ROBO1: variants seen among roughly 807,000 people sequenced by gnomAD.
ROBO1 encodes roundabout homolog 1.
ROBO1 carries 149 observed loss-of-function variants against 195.9 expected under a neutral mutation model. The observed-to-expected ratio is 0.76, with a 90% CI of 0.67 to 0.87. The LOEUF is 0.87. ROBO1 is among the 40% of genes least tolerant of loss of function. The pLI is 0.00. For synonymous variants in ROBO1, 816 were observed against 733.2 expected (o/e 1.11, Z -1.82); for missense variants, 1,933 against 2,068.3 (o/e 0.93, Z 1.27).
Position 79,564,307 on chromosome 3 carries a change from G to C in ROBO1, c.88+25517C>G, listed in dbSNP as rs549355464. 1.1e-4 allele frequency among the ~76,000 whole-genome samples: 16 copies of C among 151,960 alleles called. No individual in the cohort carries two copies. In the East Asian group the frequency reaches 2.9e-3, roughly 28 times the overall value. ...TAGGCTAGCCATGGTTTAGCACAGG[G>C]CCAGTGGACTTTCAGTGCTGAGCAT... On this transcript the variant is annotated intron_variant, in intron 2 of 30. Transcript: ENST00000464233.
In ROBO1 at chr3:78,661,936, T is replaced by C. The variant is rs1053240599; in HGVS notation, c.2088+57A>G. 1.3e-5 allele frequency: 20 copies of C among 1,564,556 alleles called. No homozygotes were observed. In the African/African-American group the frequency reaches 2.0e-4, roughly 16 times the overall value. The stretch of plus-strand genomic sequence containing the variant: ...AACAGATAGTTACATTTTATATGCA[T>C]TGCAATGATCTCGCAGACGCTTATT... On this transcript the variant is annotated intron_variant, in intron 15 of 30. Transcript: ENST00000464233.
At chr3:79,476,387 G>A (rs114172754) in intron 2 of ROBO1, among the ~76,000 whole-genome samples, 1,624 of 152,108 alleles carry the variant, frequency 0.011, 29 homozygotes, top group African/African-American at 0.037. Flanking sequence ...CTCATTATCC[G>A]ATCCAGATAC....
At chr3:79,135,314 A>G (rs2080383600) in intron 2 of ROBO1, among the ~76,000 whole-genome samples, 1 of 152,200 alleles carries the variant, frequency 6.6e-6, no homozygotes, top group East Asian at 1.9e-4. Context: ...TTGATAGATC[A>G]GACAGTCATA....
At chr3:78,641,323 T>C (rs1705937433) in intron 21 of ROBO1, among the ~76,000 whole-genome samples, 1 of 152,160 alleles carries the variant, frequency 6.6e-6, no homozygotes, top group Non-Finnish European at 1.5e-5. Flanking sequence ...CTTTACACTC[T>C]AAGATTTTAT....
chr3:79,221,313 G>A (rs530444015), intron 2 of ROBO1, among the ~76,000 whole-genome samples: 1 of 151,998 alleles, frequency 6.6e-6, no homozygotes, highest in African/African-American at 2.4e-5. Context: ...TTGAAAAAGG[G>A]AGAAACTGGG....
intron 3 of ROBO1, among the ~76,000 whole-genome samples, chr3:78,973,775 T>C (rs1346181219): frequency 6.6e-6 from 1 of 151,812 alleles, no homozygotes; most frequent in East Asian, 1.9e-4. Flanking sequence ...TGAAAAAGGT[T>C]ACATAAATAT....
chr3:79,693,661 C>A (rs1269336991), intron 1 of ROBO1, among the ~76,000 whole-genome samples: 1 of 151,682 alleles, frequency 6.6e-6, no homozygotes. Context: ...TGGTCTCAAA[C>A]TCCTGGCCTT....
At chr3:78,620,116 T>C (rs1704367515) in intron 26 of ROBO1, among the ~76,000 whole-genome samples, 1 of 151,788 alleles carries the variant, frequency 6.6e-6, no homozygotes, top group Non-Finnish European at 1.5e-5. Context: ...CTGGTCAAGA[T>C]CTAAATAAAG....
At chr3:79,667,132 TTTC>T (rs1946498635) in intron 1 of ROBO1, among the ~76,000 whole-genome samples, 1 of 151,896 alleles carries the variant, frequency 6.6e-6, no homozygotes, top group African/African-American at 2.4e-5. Context: ...ATTACCTGGC[TTTC>T]TTGTTTTTCT....
At chr3:78,668,341 C>A in intron 12 of ROBO1, 39 bp from the exon 13 acceptor site, 1 of 1,609,268 alleles carries the variant, frequency 6.2e-7, no homozygotes, top group Non-Finnish European at 8.5e-7. Flanking sequence ...AAGATGTTTA[C>A]ACATACACAG....
Position 79,767,860 on chromosome 3 carries a change from A to G in ROBO1, c.-159T>C, listed in dbSNP as rs1279185920. On this transcript the variant is annotated 5_prime_UTR_variant, in exon 1 of 31. Coordinates refer to ENST00000464233, the MANE Select transcript of ROBO1 (RefSeq NM_002941.4). Reference sequence around the variant, plus strand: ...CCGAGTTTAAACCAAGCGAAAGGTGACAGACTTTTAAACCTAAGAGTGGGG... The same window carrying G: ...CCGAGTTTAAACCAAGCGAAAGGTGGCAGACTTTTAAACCTAAGAGTGGGG... 4 of 152,240 alleles carry G rather than the reference A, an allele frequency of 2.6e-5. No individual in the cohort carries two copies. Among genetic ancestry groups the G allele is most frequent in the African/African-American group, 9.6e-5 (4 of 41,454 alleles). 9.4% of individuals were successfully genotyped at this position (152,240 alleles called of 1,614,324 possible).
At position 79,095,395 on chromosome 3, in the gene ROBO1, G is replaced by A. The variant is rs369547288; in HGVS notation, c.172+30061C>T. Reference sequence around the variant, plus strand: ...CACACTGGGGAAAGCTGGCTGCCATGTTGCAAAGGTACTCCTGCAGTCCTA... The same window carrying A: ...CACACTGGGGAAAGCTGGCTGCCATATTGCAAAGGTACTCCTGCAGTCCTA... On this transcript the variant is annotated intron_variant, in intron 3 of 30. Transcript: ENST00000464233. 1.8e-4 allele frequency among the ~76,000 whole-genome samples: 28 copies of A among 152,148 alleles called. 1 individual carries two copies. Among genetic ancestry groups the A allele is most frequent in the African/African-American group, 6.5e-4 (27 of 41,538 alleles).
chr3:79,739,607 T>C (rs1216350006), intron 1 of ROBO1, among the ~76,000 whole-genome samples: 3 of 152,164 alleles, frequency 2.0e-5, no homozygotes, highest in Non-Finnish European at 4.4e-5. Context: ...ATTTATTATT[T>C]TAGAAATATA....
chr3:78,760,830 G>C (rs1316578777), intron 4 of ROBO1, among the ~76,000 whole-genome samples: 1 of 138,780 alleles, frequency 7.2e-6, no homozygotes, highest in African/African-American at 3.4e-5. Context: ...TTGTAGAGAG[G>C]GGGGTCTAAC....
At chr3:79,374,535 C>A (rs1035230990) in intron 2 of ROBO1, among the ~76,000 whole-genome samples, 4 of 151,898 alleles carry the variant, frequency 2.6e-5, no homozygotes, top group African/African-American at 4.8e-5. Context: ...TTGGAGAGGG[C>A]AATCATTAAA....
Position 79,537,934 on chromosome 3 carries a change from C to T in ROBO1, c.88+51890G>A, listed in dbSNP as rs1223913335. On this transcript the variant is annotated intron_variant, in intron 2 of 30. Transcript: ENST00000464233. ...AAAAACACAAAAAAATACACAAACACTGATAGCTGATGAACTGAAAAAAAT... is the reference window on the plus strand; with the variant it reads ...AAAAACACAAAAAAATACACAAACATTGATAGCTGATGAACTGAAAAAAAT... Among the ~76,000 whole-genome samples, 6 of 152,020 alleles carry T rather than the reference C, an allele frequency of 3.9e-5. No individual in the cohort carries two copies. The East Asian group carries it at 1.2e-3, about 29-fold the overall frequency.
chr3:78,883,934 G>A (rs1051443559), intron 4 of ROBO1, among the ~76,000 whole-genome samples: 1 of 152,114 alleles, frequency 6.6e-6, no homozygotes, highest in Non-Finnish European at 1.5e-5. Context: ...AAGCTAGGAT[G>A]GGGGATTATG....
intron 4 of ROBO1, among the ~76,000 whole-genome samples, chr3:78,921,846 G>C (rs558984801): frequency 2.2e-3 from 331 of 151,656 alleles, no homozygotes; most frequent in Non-Finnish European, 3.7e-3. Flanking sequence ...GACTGCAGTG[G>C]CACGATCTCA....
chr3:78,708,777 A>G (rs980587696), intron 8 of ROBO1, among the ~76,000 whole-genome samples: 1 of 152,184 alleles, frequency 6.6e-6, no homozygotes, highest in African/African-American at 2.4e-5. Context: ...TAAAATTGTT[A>G]CAAATACTGT....
Sources: gnomAD v4.1 joint callset for allele counts (sites outside exome capture counted in the v4.1 genomes callset) on GRCh38, gnomAD v4.1.1 for gene constraint, MANE v1.5 for transcripts, NCBI Gene and HGNC (gene_info 2026-07-23, HGNC 2026-07-21) for gene names.